The following WNK3 variants were observed in gnomAD, a reference collection of about 807,000 sequenced individuals.
WNK3 encodes WNK lysine deficient protein kinase 3.
In WNK3, 18 loss-of-function variants were observed where a neutral mutation model predicts 116.7. That is an observed-to-expected ratio of 0.15 (90% CI 0.11 to 0.23). The LOEUF (loss-of-function observed/expected upper bound fraction) is 0.23. Ranked by LOEUF, WNK3 falls within the 10% of genes least tolerant of loss-of-function variation. The pLI is 1.00. For synonymous variants in WNK3, 404 were observed against 469.4 expected (o/e 0.86, Z 1.80); for missense variants, 993 against 1,323.8 (o/e 0.75, Z 3.88).
At chrX:54,312,372 C>T (rs182089574) in intron 2 of WNK3, among the ~76,000 whole-genome samples, 75 of 111,302 alleles carry the variant, frequency 6.7e-4, no homozygotes, top group Non-Finnish European at 1.2e-3. Flanking sequence ...ATTTTGTTAT[C>T]AAAGTTGTAC....
chrX:54,235,863 C>T (rs1229709932), intron 20 of WNK3, among the ~76,000 whole-genome samples: 1 of 111,047 alleles, frequency 9.0e-6, no homozygotes, highest in Admixed American at 9.6e-5. Flanking sequence ...TAAAGAAAAC[C>T]AAGATATAAG....
intron 10 of WNK3, 52 bp from the exon 11 acceptor site, chrX:54,259,390 T>C: frequency 2.4e-6 from 2 of 820,844 alleles, no homozygotes; most frequent in Non-Finnish European, 3.4e-6. Context: ...AAATTCAAGC[T>C]AAATATACAA....
At chrX:54,328,277 G>A (rs1283801801) in intron 2 of WNK3, among the ~76,000 whole-genome samples, 3 of 111,085 alleles carry the variant, frequency 2.7e-5, no homozygotes, top group Non-Finnish European at 5.7e-5. Flanking sequence ...GAAGAAGAAT[G>A]AGAAATTGTA....
At chrX:54,226,442 C>T (rs1352191903) in intron 22 of WNK3, among the ~76,000 whole-genome samples, 8 of 95,855 alleles carry the variant, frequency 8.3e-5, no homozygotes, top group Non-Finnish European at 1.6e-4. Flanking sequence ...GGCACTCCAG[C>T]CTGGGCGACA....
intron 10 of WNK3, among the ~76,000 whole-genome samples, chrX:54,264,455 C>T (rs1187462072): frequency 1.4e-4 from 15 of 110,052 alleles, no homozygotes; most frequent in Non-Finnish European, 2.3e-4. Context: ...TACGAGCCAC[C>T]GTGCCAGGCC....
chrX:54,341,258 G>A (rs1339173039), intron 1 of WNK3, among the ~76,000 whole-genome samples: 4 of 110,578 alleles, frequency 3.6e-5, no homozygotes, highest in African/African-American at 6.6e-5. Flanking sequence ...TTAGCCAGGC[G>A]TGGTAGTGGG....
intron 2 of WNK3, among the ~76,000 whole-genome samples, chrX:54,328,751 C>A (rs1256542345): frequency 1.8e-5 from 2 of 112,275 alleles, no homozygotes; most frequent in Non-Finnish European, 3.8e-5. Flanking sequence ...ATTTCCTCCA[C>A]ATTAGAGATT....
At chrX:54,306,448 T>C (rs1557168686) in intron 5 of WNK3, among the ~76,000 whole-genome samples, 1 of 112,215 alleles carries the variant, frequency 8.9e-6, no homozygotes, top group African/African-American at 3.2e-5. Flanking sequence ...TACAATGGAA[T>C]ACTATTCAGC....
At chrX:54,279,089 T>TA (rs2068485065) in intron 10 of WNK3, among the ~76,000 whole-genome samples, 1 of 107,498 alleles carries the variant, frequency 9.3e-6, no homozygotes, top group South Asian at 3.9e-4. Flanking sequence ...AATAAATAAA[T>TA]AAATAAAATA....
intron 21 of WNK3, among the ~76,000 whole-genome samples, chrX:54,229,952 C>G (rs1297683850): frequency 9.0e-6 from 1 of 111,197 alleles, no homozygotes; most frequent in East Asian, 2.8e-4. Flanking sequence ...TCTTTGTGAC[C>G]TGTGTTTAGC....
At chrX:54,271,302 A>G (rs1240861686) in intron 10 of WNK3, among the ~76,000 whole-genome samples, 2 of 112,411 alleles carry the variant, frequency 1.8e-5, no homozygotes, top group Admixed American at 9.5e-5. Flanking sequence ...AGAAGACAAA[A>G]GAACAAAATA....
At chrX:54,247,156 T>C (rs56064166) in intron 17 of WNK3, among the ~76,000 whole-genome samples, 1 of 111,232 alleles carries the variant, frequency 9.0e-6, no homozygotes, top group Non-Finnish European at 1.9e-5. Flanking sequence ...CCAGAAACAG[T>C]GGCAGCTAAG....
At chrX:54,216,175 GAA>G (rs1557145235) in intron 22 of WNK3, among the ~76,000 whole-genome samples, 14 of 108,570 alleles carry the variant, frequency 1.3e-4, no homozygotes, top group African/African-American at 4.1e-4. Context: ...CTCTGCCTAG[GAA>G]AACCAGAGAC....
chrX:54,282,925 T>C (rs2068533867), intron 10 of WNK3, among the ~76,000 whole-genome samples: 1 of 111,881 alleles, frequency 8.9e-6, no homozygotes. Context: ...TTCTTAGATA[T>C]GACACCAAAA....
exon 10 of WNK3, chrX:54,292,925 A>T: frequency 8.3e-7 from 1 of 1,211,131 alleles, no homozygotes. Context: ...TAATGGGGAA[A>T]CCTGGGGTTG....
chrX:54,332,015 A>G (rs2069176711), intron 2 of WNK3, among the ~76,000 whole-genome samples: 1 of 111,807 alleles, frequency 8.9e-6, no homozygotes, highest in African/African-American at 3.2e-5. Context: ...CCTAATTTTA[A>G]GCATCCCATG....
At chrX:54,346,515 C>T (rs980209316) in intron 1 of WNK3, among the ~76,000 whole-genome samples, 2 of 103,893 alleles carry the variant, frequency 1.9e-5, no homozygotes, top group Non-Finnish European at 3.9e-5. Context: ...GAGGTGGGGA[C>T]GATCACCTGA....
intron 2 of WNK3, among the ~76,000 whole-genome samples, chrX:54,316,539 CAA>C (rs781865793): frequency 2.8e-5 from 1 of 35,539 alleles, no homozygotes; most frequent in Non-Finnish European, 5.4e-5. Flanking sequence ...GACTCCATCT[CAA>C]AAAAAAAAAA....
At chrX:54,234,808 AG>A (rs1557149772) in intron 20 of WNK3, among the ~76,000 whole-genome samples, 1 of 107,449 alleles carries the variant, frequency 9.3e-6, no homozygotes. Flanking sequence ...CTGAGGCAAC[AG>A]AGCCAGACTC....
Sources: allele counts gnomAD v4.1 joint callset (sites outside exome capture counted in the v4.1 genomes callset), GRCh38; gene constraint gnomAD v4.1.1; transcripts MANE v1.5; gene names NCBI Gene and HGNC (gene_info 2026-07-23, HGNC 2026-07-21).